CHRM3: variants seen among roughly 807,000 people sequenced by gnomAD.
CHRM3 encodes cholinergic receptor muscarinic 3.
Under a neutral mutation model 41.8 loss-of-function variants are expected in CHRM3, and 11 were observed. The observed-to-expected ratio is 0.26, with a 90% CI of 0.17 to 0.44. The LOEUF (loss-of-function observed/expected upper bound fraction) is 0.44. Among genes scored for constraint, CHRM3 ranks in the 20% least tolerant of loss-of-function variants. CHRM3 has a pLI of 1.00. For missense variants in CHRM3, 571 were observed against 745.4 expected (o/e 0.77, Z 2.72); for synonymous variants, 297 against 301.4 (o/e 0.99, Z 0.15).
At chr1:239,806,443 C>CAA (rs397945228) in intron 5 of CHRM3, among the ~76,000 whole-genome samples, 1 of 146,032 alleles carries the variant, frequency 6.8e-6, no homozygotes, top group Non-Finnish European at 1.5e-5. Context: ...CACACACACA[C>CAA]CCCTGTGGAC....
intron 2 of CHRM3, among the ~76,000 whole-genome samples, chr1:239,495,570 G>A (rs1667826782): frequency 6.6e-6 from 1 of 152,080 alleles, no homozygotes; most frequent in African/African-American, 2.4e-5. Context: ...GATTGGGTGT[G>A]GCTTAAGCAC....
At chr1:239,519,741 CTTT>C (rs386370161) in intron 2 of CHRM3, among the ~76,000 whole-genome samples, 1 of 85,066 alleles carries the variant, frequency 1.2e-5, no homozygotes, top group African/African-American at 4.8e-5. Flanking sequence ...AAAACTAGTT[CTTT>C]TTTTTTTTTT....
At chr1:239,718,975 T>G (rs780565716) in intron 5 of CHRM3, 1 of 152,006 alleles carries the variant, frequency 6.6e-6, no homozygotes, top group Non-Finnish European at 1.5e-5. Context: ...TTAGAAGTTA[T>G]GAGTTTAGTT....
intron 4 of CHRM3, among the ~76,000 whole-genome samples, chr1:239,673,898 T>A (rs1657675515): frequency 6.6e-6 from 1 of 152,146 alleles, no homozygotes; most frequent in East Asian, 1.9e-4. Context: ...GCAACCCTAA[T>A]CTAAAACACT....
chr1:239,775,381 A>T (rs540471158), intron 5 of CHRM3, among the ~76,000 whole-genome samples: 3 of 152,188 alleles, frequency 2.0e-5, no homozygotes, highest in Non-Finnish European at 4.4e-5. Context: ...TTCTACCCAG[A>T]TGGGAGGAAT....
intron 2 of CHRM3, among the ~76,000 whole-genome samples, chr1:239,511,678 A>G (rs1214670943): frequency 6.6e-6 from 1 of 152,232 alleles, no homozygotes; most frequent in Non-Finnish European, 1.5e-5. Flanking sequence ...TGCCAGAAAT[A>G]TAACAAATTA....
At chr1:239,597,838 CA>C (rs59984075) in intron 3 of CHRM3, among the ~76,000 whole-genome samples, 1,621 of 83,378 alleles carry the variant, frequency 0.019, 32 homozygotes, top group African/African-American at 0.055. Flanking sequence ...CTGAGGTGGT[CA>C]AAAAAAAAAA....
At chr1:239,562,499 C>T (rs1660952399) in intron 3 of CHRM3, among the ~76,000 whole-genome samples, 1 of 152,130 alleles carries the variant, frequency 6.6e-6, no homozygotes, top group Non-Finnish European at 1.5e-5. Context: ...TTCTATCATT[C>T]AAACTTCCTG....
rs559245793 is a variant in CHRM3, at chr1:239,617,748, T to C, written c.-312-14476T>C. On this transcript the variant is annotated intron_variant, in intron 3 of 6. Coordinates refer to ENST00000676153, the MANE Select transcript of CHRM3 (RefSeq NM_001375978.1). Reference sequence around the variant, plus strand: ...GAAAAAATTTAAACCTACAATATGATATTAAAATATCTATAGTTTTTATCA... The same window carrying C: ...GAAAAAATTTAAACCTACAATATGACATTAAAATATCTATAGTTTTTATCA... Among the ~76,000 whole-genome samples, 25 of 152,248 alleles carry C rather than the reference T, an allele frequency of 1.6e-4. No individual in the cohort carries two copies. The South Asian group carries it at 3.7e-3, about 23-fold the overall frequency.
intron 1 of CHRM3, among the ~76,000 whole-genome samples, chr1:239,470,779 G>A (rs1312018996): frequency 6.6e-6 from 1 of 152,086 alleles, no homozygotes; most frequent in African/African-American, 2.4e-5. Context: ...ATTGTTTTGT[G>A]TTTTTATTTT....
intron 5 of CHRM3, among the ~76,000 whole-genome samples, chr1:239,757,523 G>A (rs1666341255): frequency 2.0e-5 from 3 of 151,896 alleles, no homozygotes; most frequent in South Asian, 2.1e-4. Flanking sequence ...CCAGGTACTC[G>A]GGAGGCTGAG....
chr1:239,805,092 G>A (rs750870584), intron 5 of CHRM3, among the ~76,000 whole-genome samples: 4 of 152,106 alleles, frequency 2.6e-5, no homozygotes, highest in African/African-American at 7.2e-5. Context: ...GTTACCCTGT[G>A]TTGAAGATTG....
intron 1 of CHRM3, among the ~76,000 whole-genome samples, chr1:239,463,227 A>G (rs74149077): frequency 0.021 from 3,256 of 152,236 alleles, 103 homozygotes; most frequent in African/African-American, 0.074. Context: ...GTATATTAAT[A>G]TTGGAATTGT....
intron 3 of CHRM3, among the ~76,000 whole-genome samples, chr1:239,572,016 T>C (rs1003116765): frequency 3.9e-5 from 6 of 152,210 alleles, no homozygotes; most frequent in Non-Finnish European, 7.3e-5. Flanking sequence ...CTATGCTAAA[T>C]AATTCACAGA....
At chr1:239,604,460 A>T (rs1028376394) in intron 3 of CHRM3, among the ~76,000 whole-genome samples, 1 of 152,194 alleles carries the variant, frequency 6.6e-6, no homozygotes, top group African/African-American at 2.4e-5. Context: ...GACTGAAATT[A>T]TTGAGAAATG....
chr1:239,583,683 A>T (rs1175968041), intron 3 of CHRM3, among the ~76,000 whole-genome samples: 1 of 152,106 alleles, frequency 6.6e-6, no homozygotes, highest in Admixed American at 6.5e-5. Flanking sequence ...GAAATATAAG[A>T]TTTATTTAAT....
chr1:239,898,977 C>A (rs1413762415), intron 6 of CHRM3, among the ~76,000 whole-genome samples: 1 of 152,116 alleles, frequency 6.6e-6, no homozygotes. Flanking sequence ...TACTGTCAAA[C>A]TTTTTTGTCT....
intron 2 of CHRM3, among the ~76,000 whole-genome samples, chr1:239,533,686 G>T (rs576732635): frequency 7.1e-6 from 1 of 141,428 alleles, no homozygotes. Context: ...AGCCGAGATT[G>T]GACCATTGCA....
intron 4 of CHRM3, among the ~76,000 whole-genome samples, chr1:239,650,849 G>A (rs1235412786): frequency 2.0e-5 from 3 of 152,108 alleles, no homozygotes; most frequent in African/African-American, 2.4e-5. Flanking sequence ...AACTAAGTAA[G>A]CTAAATGTAT....
Sources: gnomAD v4.1 joint callset for allele counts (sites outside exome capture counted in the v4.1 genomes callset) on GRCh38, gnomAD v4.1.1 for gene constraint, MANE v1.5 for transcripts, NCBI Gene and HGNC (gene_info 2026-07-23, HGNC 2026-07-21) for gene names.